The following NECAB2 variants were observed in gnomAD, a reference collection of about 807,000 sequenced individuals.
NECAB2 encodes N-terminal EF-hand calcium-binding protein 2.
In NECAB2, 68 loss-of-function variants were observed where a neutral mutation model predicts 51.9. The observed-to-expected ratio is 1.31, with a 90% confidence interval of 1.08 to 1.60. NECAB2 has a LOEUF of 1.60. NECAB2 is among the 40% of genes most tolerant of loss of function. NECAB2 has a pLI of 0.00. For synonymous variants in NECAB2, 329 were observed against 203.5 expected (o/e 1.62, Z -5.25); for missense variants, 854 against 490.3 (o/e 1.74, Z -7.00).
chr16:83,965,613 A>G (rs147230915), upstream of NECAB2: 1,831 of 1,613,168 alleles, frequency 1.1e-3, 3 homozygotes, highest in Non-Finnish European at 1.3e-3. Context: ...ATGCGGGAGC[A>G]GTCCATCCTG....
Position 84,001,796 on chromosome 16 carries a change from CCTGACTCACA to C in NECAB2, c.1041-27_1041-18del, listed in dbSNP as rs770910690. ...CACGCGGAGCTCCACTCCTGCCACC[CCTGACTCACA>C]CATGTCCCTGCGTCACAGGCACCTG... On this transcript the variant is annotated intron_variant, in intron 11 of 12. Coordinates refer to ENST00000305202, the MANE Select transcript of NECAB2 (RefSeq NM_019065.3). 48 of 1,612,550 alleles carry C rather than the reference CCTGACTCACA, an allele frequency of 3.0e-5. No individual in the cohort carries two copies. In the Middle Eastern group the frequency reaches 4.9e-4, roughly 17 times the overall value.
chr16:83,994,861 C>T (rs570235805), intron 8 of NECAB2, among the ~76,000 whole-genome samples, 173 bp downstream of exon 8: 52 of 152,166 alleles, frequency 3.4e-4, no homozygotes, highest in Non-Finnish European at 5.9e-4. Flanking sequence ...GATCAAACCC[C>T]GGGGGATGCT....
At chr16:83,966,114 C>G, upstream of NECAB2, 1 of 935,426 alleles carries the variant, frequency 1.1e-6, no homozygotes, top group Non-Finnish European at 1.6e-6. Flanking sequence ...GGTGTCAGCC[C>G]ACGTTGCTGG....
At position 83,994,510 on chromosome 16, in the gene NECAB2, A is replaced by G. The variant is rs1328235152; in HGVS notation, c.715+90A>G. ...TCTGACAGGGACTGGGGAGATGAGC[A>G]AGTTTGATGCCCCTGGAGGGGCTGG... On this transcript the variant is annotated intron_variant, in intron 7 of 12. Coordinates refer to ENST00000305202, the MANE Select transcript of NECAB2 (RefSeq NM_019065.3). 5 of 1,594,532 alleles carry G rather than the reference A, an allele frequency of 3.1e-6. No individual in the cohort carries two copies. In the African/African-American group the frequency reaches 6.7e-5, roughly 21 times the overall value.
intron 3 of NECAB2, 115 bp downstream of exon 3, chr16:83,978,667 C>G: frequency 1.1e-6 from 1 of 881,284 alleles, no homozygotes; most frequent in South Asian, 1.6e-5. Flanking sequence ...CTGAAAATCC[C>G]CAAATTTGCT....
At chr16:83,976,783 A>G (rs1191526143) in intron 2 of NECAB2, among the ~76,000 whole-genome samples, 2 of 152,128 alleles carry the variant, frequency 1.3e-5, no homozygotes, top group African/African-American at 4.8e-5. Context: ...TTTATGCTCT[A>G]TGGGGTTAAA....
At chr16:83,985,995 C>G (rs953046852) in intron 5 of NECAB2, among the ~76,000 whole-genome samples, 1 of 152,134 alleles carries the variant, frequency 6.6e-6, no homozygotes, top group African/African-American at 2.4e-5. Flanking sequence ...TATTAAAATA[C>G]ACATCAAATA....
intron 1 of NECAB2, 24 bp downstream of exon 1, chr16:83,968,873 C>A: frequency 9.0e-7 from 1 of 1,108,068 alleles, no homozygotes; most frequent in Non-Finnish European, 1.1e-6. Flanking sequence ...GGCCGGGACC[C>A]CCGCCGTGGC....
At chr16:83,994,845 G>A (rs1395263722) in intron 8 of NECAB2, among the ~76,000 whole-genome samples, 157 bp downstream of exon 8, 1 of 152,216 alleles carries the variant, frequency 6.6e-6, no homozygotes, top group African/African-American at 2.4e-5. Flanking sequence ...CGAGGACGAA[G>A]CTAAGGATCA....
At chr16:83,967,573 T>C (rs1597187804), upstream of NECAB2, among the ~76,000 whole-genome samples, 1 of 111,326 alleles carries the variant, frequency 9.0e-6, no homozygotes. Flanking sequence ...GGATGGTGGG[T>C]GGATGGATGG....
chr16:83,998,003 C>T (rs929731927), intron 9 of NECAB2, among the ~76,000 whole-genome samples: 2 of 152,136 alleles, frequency 1.3e-5, no homozygotes, highest in Non-Finnish European at 2.9e-5. Flanking sequence ...TTTTTGGGGG[C>T]TACTTCTGCA....
At position 83,998,973 on chromosome 16, in the gene NECAB2, C is replaced by T. The variant is rs559517667; in HGVS notation, c.962+656C>T. Reference sequence around the variant, plus strand: ...CCCTTTGTTCTTGCTGGTAGTGGTCCCCCGCCCCCCGTTTCTGCAGCAAGG... The same window carrying T: ...CCCTTTGTTCTTGCTGGTAGTGGTCTCCCGCCCCCCGTTTCTGCAGCAAGG... On this transcript the variant is annotated intron_variant, in intron 10 of 12. Coordinates refer to ENST00000305202, the MANE Select transcript of NECAB2 (RefSeq NM_019065.3). Among the ~76,000 whole-genome samples the T allele has an allele frequency of 9.1e-3, 1,378 of 152,196 alleles. 15 individuals are homozygous for T. The highest frequency in any genetic ancestry group is 0.031 in the African/African-American group (1,271 of 41,510).
intron 5 of NECAB2, among the ~76,000 whole-genome samples, chr16:83,987,122 GAAAAC>G (rs1479657858): frequency 1.3e-5 from 2 of 152,066 alleles, no homozygotes; most frequent in African/African-American, 2.4e-5. Context: ...ATAAATGTTG[GAAAAC>G]AAAACAAAGT....
At chr16:83,990,194 C>T (rs943942151) in intron 5 of NECAB2, among the ~76,000 whole-genome samples, 23 of 152,200 alleles carry the variant, frequency 1.5e-4, no homozygotes, top group African/African-American at 5.5e-4. Flanking sequence ...ACGCATGTTG[C>T]TGTTTAATCT....
At chr16:83,997,164 G>C (rs558103138) in intron 8 of NECAB2, 52 bp from the exon 9 acceptor site, 5 of 1,611,134 alleles carry the variant, frequency 3.1e-6, no homozygotes, top group East Asian at 4.5e-5. Context: ...CTGGCTCCCC[G>C]GGGCGGAGTG....
At chr16:83,974,588 C>T (rs1368712597) in intron 2 of NECAB2, among the ~76,000 whole-genome samples, 1 of 152,176 alleles carries the variant, frequency 6.6e-6, no homozygotes, top group Non-Finnish European at 1.5e-5. Context: ...CATTGTGATC[C>T]TCCTGAGACA....
At chr16:83,996,868 C>T (rs111796161) in intron 8 of NECAB2, among the ~76,000 whole-genome samples, 15 of 152,040 alleles carry the variant, frequency 9.9e-5, no homozygotes, top group African/African-American at 3.4e-4. Context: ...AACAGTTCAC[C>T]CCATTAGATC....
intron 10 of NECAB2, among the ~76,000 whole-genome samples, chr16:83,999,864 A>AT (rs759460908): frequency 2.8e-5 from 4 of 144,618 alleles, no homozygotes; most frequent in South Asian, 2.1e-4. Flanking sequence ...AGATGCTTTG[A>AT]TTTTTAAAGG....
chr16:83,998,870 A>G (rs1391978494), intron 10 of NECAB2, among the ~76,000 whole-genome samples: 1 of 152,146 alleles, frequency 6.6e-6, no homozygotes, highest in Non-Finnish European at 1.5e-5. Context: ...TGTTCATCCC[A>G]CCAGGCTGAT....
Sources: allele counts gnomAD v4.1 joint callset (sites outside exome capture counted in the v4.1 genomes callset), GRCh38; gene constraint gnomAD v4.1.1; transcripts MANE v1.5; gene names NCBI Gene and HGNC (gene_info 2026-07-23, HGNC 2026-07-21).